LRCH3: variants seen among roughly 807,000 people sequenced by gnomAD.
LRCH3 encodes the protein DISP complex protein LRCH3.
Under a neutral mutation model 104.5 loss-of-function variants are expected in LRCH3, and 68 were observed. The ratio of observed to expected loss-of-function variants is 0.65; its 90% CI spans 0.54 to 0.80. The LOEUF (loss-of-function observed/expected upper bound fraction) is 0.80, where lower values mean the gene tolerates loss of function less well. LRCH3 is among the 30% of genes least tolerant of loss of function. The probability of loss-of-function intolerance (pLI) is 0.00; values close to 1 mark genes in which losing one functional copy is unlikely to be tolerated. For synonymous variants in LRCH3, 344 were observed against 361.3 expected (o/e 0.95, Z 0.54); for missense variants, 951 against 953.9 (o/e 1.00, Z 0.04).
At chr3:197,865,850 G>A (rs770990888) in intron 16 of LRCH3, among the ~76,000 whole-genome samples, 2 of 151,484 alleles carry the variant, frequency 1.3e-5, no homozygotes, top group South Asian at 2.1e-4. Context: ...AACAACAGCC[G>A]TAGGTCTGCG....
intron 13 of LRCH3, among the ~76,000 whole-genome samples, chr3:197,853,369 C>A (rs1211286903): frequency 6.6e-6 from 1 of 151,762 alleles, no homozygotes; most frequent in Admixed American, 6.6e-5. Context: ...TTTGTATTTT[C>A]AGTAGAGACG....
At chr3:197,832,685 C>CT (rs77343938) in intron 8 of LRCH3, among the ~76,000 whole-genome samples, 5,454 of 129,716 alleles carry the variant, frequency 0.042, 367 homozygotes, top group African/African-American at 0.14. Context: ...GAATTTAGTC[C>CT]TTTTTTTTTT....
At chr3:197,827,314 G>A (rs1419136645) in intron 5 of LRCH3, among the ~76,000 whole-genome samples, 1 of 151,700 alleles carries the variant, frequency 6.6e-6, no homozygotes, top group Non-Finnish European at 1.5e-5. Context: ...GAAGCATCAG[G>A]TAAACCATAG....
chr3:197,880,093 C>A (rs550798606), intron 20 of LRCH3, among the ~76,000 whole-genome samples: 5 of 150,984 alleles, frequency 3.3e-5, no homozygotes, highest in East Asian at 1.9e-4. Context: ...CTACAGGCGC[C>A]CGCCACCACG....
chr3:197,833,170 A>T (rs986128606), intron 8 of LRCH3, among the ~76,000 whole-genome samples: 13 of 152,182 alleles, frequency 8.5e-5, no homozygotes, highest in Non-Finnish European at 1.6e-4. Context: ...TAATGTTGAG[A>T]TCTGTGCCGG....
intron 1 of LRCH3, among the ~76,000 whole-genome samples, chr3:197,805,437 G>A (rs1732369004): frequency 6.6e-6 from 1 of 152,218 alleles, no homozygotes; most frequent in South Asian, 2.1e-4. Flanking sequence ...TTGCTAAAGA[G>A]GGGGACACGC....
At chr3:197,836,792 C>T (rs1284647178) in intron 9 of LRCH3, among the ~76,000 whole-genome samples, 1 of 152,214 alleles carries the variant, frequency 6.6e-6, no homozygotes, top group Non-Finnish European at 1.5e-5. Context: ...ATTGTCCTTC[C>T]TCAGCCTCCC....
intron 12 of LRCH3, 154 bp from the exon 13 acceptor site, chr3:197,852,407 C>T: frequency 1.4e-6 from 1 of 690,200 alleles, no homozygotes; most frequent in Non-Finnish European, 2.5e-6. Context: ...AAATTTCTAG[C>T]TAAACATTTT....
intron 1 of LRCH3, among the ~76,000 whole-genome samples, chr3:197,803,949 A>G (rs1732179893): frequency 6.6e-6 from 1 of 152,168 alleles, no homozygotes. Flanking sequence ...AATACTTTCA[A>G]CATCAGTCTA....
rs1034247370 is a variant in LRCH3 at position 197,856,559 on chromosome 3, T to A, written c.1644+2114T>A. ...ATGCACCACACGTGGCTAATTTTTTTATTTTTTTGTAGAGTCAGGGTCTCA... is the reference window on the plus strand; with the variant it reads ...ATGCACCACACGTGGCTAATTTTTTAATTTTTTTGTAGAGTCAGGGTCTCA... On this transcript the variant is annotated intron_variant, in intron 14 of 20. Coordinates refer to ENST00000425562, the MANE Select transcript of LRCH3 (RefSeq NM_001365715.1). This position sits in a 1 kb window ranked among gnomAD's most constrained non-coding sequence, Gnocchi z 4.2. Among the ~76,000 whole-genome samples the A allele has an allele frequency of 3.3e-5, 5 of 152,096 alleles. No homozygotes were observed. Among genetic ancestry groups the A allele is most frequent in the Admixed American group, 2.0e-4 (3 of 15,262 alleles).
At chr3:197,799,132 T>C (rs1452886121) in intron 1 of LRCH3, among the ~76,000 whole-genome samples, 1 of 152,202 alleles carries the variant, frequency 6.6e-6, no homozygotes, top group Admixed American at 6.5e-5. Flanking sequence ...GTGACAGCAG[T>C]GCTGGGGCTG....
chr3:197,793,662 G>A (rs1323981990), intron 1 of LRCH3, among the ~76,000 whole-genome samples: 1 of 152,154 alleles, frequency 6.6e-6, no homozygotes, highest in Non-Finnish European at 1.5e-5. Flanking sequence ...TAATACCAAA[G>A]AGGTTTTTCC....
intron 12 of LRCH3, among the ~76,000 whole-genome samples, chr3:197,850,046 A>T (rs1313573797): frequency 1.3e-5 from 2 of 152,230 alleles, no homozygotes; most frequent in Non-Finnish European, 2.9e-5. Flanking sequence ...GGTAGGATTT[A>T]GCCAGGAAGA....
chr3:197,862,638 A>G (rs1475378718), intron 15 of LRCH3, among the ~76,000 whole-genome samples: 1 of 152,096 alleles, frequency 6.6e-6, no homozygotes, highest in African/African-American at 2.4e-5. Context: ...TTTTCTACTT[A>G]TTCACAACCC....
chr3:197,860,030 C>T (rs1414622766), intron 15 of LRCH3, among the ~76,000 whole-genome samples: 3 of 152,084 alleles, frequency 2.0e-5, no homozygotes, highest in Admixed American at 6.6e-5. Context: ...GCTCAGTATC[C>T]ACTGGAATTC....
At chr3:197,881,178 C>T (rs1713730304) in intron 20 of LRCH3, 1 of 1,008,112 alleles carries the variant, frequency 9.9e-7, no homozygotes, top group African/African-American at 1.7e-5. Context: ...CGTGCCTTTT[C>T]TGGTTTTGGC....
At chr3:197,867,384 C>G (rs1314004922) in intron 17 of LRCH3, among the ~76,000 whole-genome samples, 2 of 151,214 alleles carry the variant, frequency 1.3e-5, no homozygotes, top group African/African-American at 4.9e-5. Flanking sequence ...CCACTGCACT[C>G]CAGCATGGAT....
At chr3:197,846,512 A>G (rs1173148134) in intron 10 of LRCH3, among the ~76,000 whole-genome samples, 2 of 151,722 alleles carry the variant, frequency 1.3e-5, no homozygotes, top group Non-Finnish European at 2.9e-5. Context: ...AGCCTGGGCA[A>G]CATAATAAGA....
At chr3:197,882,543 A>AAT (rs1713870120) in intron 20 of LRCH3, 3 of 940,984 alleles carry the variant, frequency 3.2e-6, no homozygotes, top group African/African-American at 1.8e-5. Context: ...AAACAAAAAA[A>AAT]CCCAACTAGT....
Sources: gnomAD v4.1 joint callset for allele counts (sites outside exome capture counted in the v4.1 genomes callset) on GRCh38, gnomAD v4.1.1 for gene constraint, Gnocchi (gnomAD v3.1) non-coding constraint, MANE v1.5 for transcripts, NCBI Gene and HGNC (gene_info 2026-07-23, HGNC 2026-07-21) for gene names.